Variants in SPOCD1 observed in about 807,000 individuals in gnomAD.
SPOCD1 encodes the protein SPOC domain containing 1.
Under a neutral mutation model 92.2 loss-of-function variants are expected in SPOCD1, and 64 were observed. The observed-to-expected ratio is 0.69, with a 90% CI of 0.57 to 0.86. The LOEUF (loss-of-function observed/expected upper bound fraction) is 0.86. Ranked by LOEUF, SPOCD1 falls within the 40% of genes least tolerant of loss-of-function variation. The pLI is 0.00. For synonymous variants in SPOCD1, 578 were observed against 619.3 expected (o/e 0.93, Z 0.99); for missense variants, 1,360 against 1,543.1 (o/e 0.88, Z 1.99).
chr1:31,799,143 T>C (rs1222360368), intron 7 of SPOCD1, among the ~76,000 whole-genome samples: 2 of 152,032 alleles, frequency 1.3e-5, no homozygotes, highest in Non-Finnish European at 2.9e-5. Context: ...TTGCTGCGGG[T>C]GACATTGATG....
chr1:31,799,627 C>T, intron 6 of SPOCD1, 142 bp from the exon 7 acceptor site: 1 of 1,088,766 alleles, frequency 9.2e-7, no homozygotes, highest in Non-Finnish European at 1.3e-6. Context: ...CATCTGGGAG[C>T]CAAGCCCAGG....
chr1:31,800,431 T>C lies in SPOCD1; in HGVS notation c.1602+10A>G. ...CTCAGCAGGATTAAATGACATCACT[T>C]GTTCTGTACCTGGCACCCAGCAGGG... On this transcript the variant is annotated intron_variant, in intron 4 of 15. Transcript: ENST00000360482. The C allele has an allele frequency of 1.3e-6, 2 of 1,558,000 alleles. No homozygotes were observed. Among genetic ancestry groups the C allele is most frequent in the Non-Finnish European group, 1.7e-6 (2 of 1,148,374 alleles).
At chr1:31,812,505 A>G (rs1285045699) in intron 2 of SPOCD1, among the ~76,000 whole-genome samples, 1 of 152,222 alleles carries the variant, frequency 6.6e-6, no homozygotes, top group Non-Finnish European at 1.5e-5. Flanking sequence ...ACAATAAGGC[A>G]TAATAGGAGC....
chr1:31,810,972 G>T (rs1002221695), intron 2 of SPOCD1, among the ~76,000 whole-genome samples: 1 of 152,084 alleles, frequency 6.6e-6, no homozygotes, highest in South Asian at 2.1e-4. Context: ...AAACCTCACT[G>T]GCCACTGTGG....
At chr1:31,806,547 CTT>C (rs895099152) in intron 2 of SPOCD1, among the ~76,000 whole-genome samples, 4 of 143,604 alleles carry the variant, frequency 2.8e-5, no homozygotes, top group Non-Finnish European at 4.6e-5. Flanking sequence ...GATATGAAAA[CTT>C]TTTTTTTTTT....
intron 4 of SPOCD1, 82 bp downstream of exon 4, chr1:31,800,359 T>C: frequency 6.9e-7 from 1 of 1,454,114 alleles, no homozygotes; most frequent in Non-Finnish European, 9.2e-7. Context: ...GCACCCTCTC[T>C]CTGAGCCTCA....
At chr1:31,794,495 T>C in intron 10 of SPOCD1, 1 of 228,726 alleles carries the variant, frequency 4.4e-6, no homozygotes, top group Admixed American at 7.0e-5. Flanking sequence ...TCTTTTTTTT[T>C]CTTTTCTTTT....
At chr1:31,802,113 A>G (rs925729443) in intron 2 of SPOCD1, among the ~76,000 whole-genome samples, 3 of 152,206 alleles carry the variant, frequency 2.0e-5, no homozygotes, top group African/African-American at 7.2e-5. Flanking sequence ...GGTTGCAGTG[A>G]GCCAGGATCG....
At chr1:31,794,481 TTTTTCTTTTTTTTTC>T in intron 10 of SPOCD1, 1 of 266,422 alleles carries the variant, frequency 3.8e-6, no homozygotes, top group Non-Finnish European at 6.8e-6. Flanking sequence ...CTTTACAATC[TTTTTCTTTTTTTTTC>T]TTTTCTTTTT....
At chr1:31,809,775 CAGA>C (rs777966446) in intron 2 of SPOCD1, among the ~76,000 whole-genome samples, 6 of 152,158 alleles carry the variant, frequency 3.9e-5, no homozygotes, top group Non-Finnish European at 8.8e-5. Context: ...GTGCCTGGAA[CAGA>C]AGAAGCTCTC....
At chr1:31,797,868 C>G (rs1648134600) in intron 9 of SPOCD1, among the ~76,000 whole-genome samples, 1 of 152,154 alleles carries the variant, frequency 6.6e-6, no homozygotes, top group African/African-American at 2.4e-5. Flanking sequence ...GCATCTGAAG[C>G]TGGGATCGGA....
At chr1:31,808,066 A>G (rs1209162235) in intron 2 of SPOCD1, among the ~76,000 whole-genome samples, 2 of 152,172 alleles carry the variant, frequency 1.3e-5, no homozygotes, top group Non-Finnish European at 2.9e-5. Context: ...AAAATGTCCA[A>G]AGAACAAATA....
Position 31,790,764 on chromosome 1 carries a change from G to A in SPOCD1, c.3490C>T (p.Gln1164Ter). 1 of 1,551,304 alleles carries A rather than the reference G, an allele frequency of 6.4e-7. No individual in the cohort carries two copies. The highest frequency in any genetic ancestry group is 8.7e-7 in the Non-Finnish European group (1 of 1,146,808). Reference protein sequence around the residue: ...ESLATMSHQLQALLCPQTKSS... With the variant: ...ESLATMSHQL The stretch of plus-strand genomic sequence containing the variant: ...TTGGTCTGGGGGCACAGTAAGGCTT[G>A]GAGCTGGTGACTCATGGTCGCCAGG... Residue 1164 changes from glutamine to a stop codon, truncating the protein, a stop_gained, in exon 16 of 16, where the codon CAA becomes TAA. Transcript: ENST00000360482. LOFTEE classifies it low-confidence loss of function (END_TRUNC).
intron 10 of SPOCD1, 67 bp from the exon 11 acceptor site, chr1:31,794,302 T>G: frequency 8.3e-7 from 1 of 1,199,298 alleles, no homozygotes; most frequent in South Asian, 1.4e-5. Context: ...CCTCCATGGG[T>G]AGGGGGCCCC....
chr1:31,795,714 T>C (rs1647960943), intron 10 of SPOCD1: 1 of 152,200 alleles, frequency 6.6e-6, no homozygotes, highest in African/African-American at 2.4e-5. Flanking sequence ...AGCAGGGATT[T>C]CTGTCGTTCA....
Position 31,790,905 on chromosome 1 carries a change from A to G in SPOCD1, c.3349T>C (p.Leu1117=). 1 of 1,585,078 alleles carries G rather than the reference A, an allele frequency of 6.3e-7. No homozygotes were observed. The highest frequency in any genetic ancestry group is 8.6e-7 in the Non-Finnish European group (1 of 1,166,114). ...GRGQWPPEPG[L]RQSQHPYSVA... The stretch of plus-strand genomic sequence containing the variant: ...GAATAGGGATGCTGGGACTGGCGCA[A>G]GCCTGGCTCTGGGGGCCACTGCCCT... The change falls in exon 16 of 16, where the codon TTG becomes CTG. Residue 1117 remains leucine, a synonymous_variant. Transcript: ENST00000360482.
rs758720781 is a variant in SPOCD1 at position 31,794,198 on chromosome 1, A to G, written c.2309T>C (p.Leu770Pro). The G allele has an allele frequency of 1.9e-5, 30 of 1,613,824 alleles. No individual in the cohort carries two copies. The highest frequency in any genetic ancestry group is 5.9e-6 in the Non-Finnish European group (7 of 1,179,918). The change falls in exon 11 of 16, where the codon CTG becomes CCG. Residue 770 changes from leucine to proline, a missense_variant. Around this residue, in one of 3 missense-constraint regions of SPOCD1, gnomAD observed 614 missense variants for 757.8 expected, o/e 0.81. Coordinates refer to ENST00000360482, the MANE Select transcript of SPOCD1 (RefSeq NM_144569.7). Reference protein sequence around the residue: ...QMFMDCSPQALPIASEDTTGQ... With the variant: ...QMFMDCSPQAPPIASEDTTGQ... Reference sequence around the variant, plus strand: ...CGTGGTGTCCTCTGATGCGATGGGCAGGGCCTGTGGGCTGCAGTCCATGAA... The same window carrying G: ...CGTGGTGTCCTCTGATGCGATGGGCGGGGCCTGTGGGCTGCAGTCCATGAA...
At chr1:31,802,367 T>A (rs1405571845) in intron 2 of SPOCD1, among the ~76,000 whole-genome samples, 1 of 152,214 alleles carries the variant, frequency 6.6e-6, no homozygotes, top group East Asian at 1.9e-4. Context: ...ATACTATTTC[T>A]ATCCCCATTT....
In SPOCD1 at chr1:31,798,566, T is replaced by G; in HGVS notation, c.1904A>C (p.Glu635Ala). Residue 635 changes from glutamate to alanine, a missense_variant, in exon 8 of 16, where the codon GAG becomes GCG. Glu to Ala is a moderately radical substitution (Grantham distance 107). Transcript: ENST00000360482. The surrounding 1 kb of genome is among the most constrained non-coding windows in gnomAD (Gnocchi z 4.1). ...RELPDPVLSE[E>A]VVEGIAAGIE... ...GCCAGCAGCAATGCCCTCCACCACC[T>G]CCTCACTCAGCACTGGGTCTGGGAG... The G allele has an allele frequency of 6.2e-7, 1 of 1,613,472 alleles. No individual in the cohort carries two copies. The highest frequency in any genetic ancestry group is 1.1e-5 in the South Asian group (1 of 91,038).
Sources: allele counts gnomAD v4.1 joint callset (sites outside exome capture counted in the v4.1 genomes callset), GRCh38; gene constraint gnomAD v4.1.1; regional missense constraint gnomAD v4.1.1; non-coding constraint Gnocchi (gnomAD v3.1); transcripts MANE v1.5; gene names NCBI Gene and HGNC (gene_info 2026-07-23, HGNC 2026-07-21).